Variants in FGF12 observed in about 807,000 individuals in gnomAD.
The protein encoded by FGF12 is fibroblast growth factor 12B.
FGF12 carries 14 observed loss-of-function variants against 23.6 expected under a neutral mutation model. The ratio of observed to expected loss-of-function variants is 0.59; its 90% CI spans 0.39 to 0.93. The LOEUF is 0.93. Ranked by LOEUF, FGF12 falls within the 40% of genes least tolerant of loss-of-function variation. The pLI is 0.00. For synonymous variants in FGF12, 62 were observed against 77.3 expected (o/e 0.80, Z 1.04); for missense variants, 175 against 217.8 (o/e 0.80, Z 1.24).
At chr3:192,658,247 C>T (rs901391473) in intron 2 of FGF12, among the ~76,000 whole-genome samples, 16 of 152,118 alleles carry the variant, frequency 1.1e-4, no homozygotes, top group Non-Finnish European at 1.6e-4. Context: ...GGTGGTAAAC[C>T]GGACCCATGC....
intron 2 of FGF12, among the ~76,000 whole-genome samples, chr3:192,618,585 C>G (rs962958006): frequency 2.6e-5 from 4 of 152,028 alleles, no homozygotes; most frequent in African/African-American, 4.8e-5. Flanking sequence ...AGAATTAAAG[C>G]TAAAAATATT....
In FGF12 at chr3:192,259,736, AC is replaced by A. The variant is rs200264961; in HGVS notation, c.228+75624del. 3.0e-3 allele frequency among the ~76,000 whole-genome samples: 451 copies of A among 152,312 alleles called. 4 individuals are homozygous for A. The highest frequency in any genetic ancestry group is 0.017 in the Middle Eastern group (5 of 294). The stretch of plus-strand genomic sequence containing the variant: ...CTCTTTTTTTATAAGATACAAAAAG[AC>A]AATAAATATGTTCTTACCACAAAAT... On this transcript the variant is annotated intron_variant, in intron 4 of 5. Transcript: ENST00000445105.
intron 4 of FGF12, among the ~76,000 whole-genome samples, chr3:192,302,655 G>A (rs1454579999): frequency 6.6e-6 from 1 of 152,170 alleles, no homozygotes; most frequent in East Asian, 1.9e-4. Flanking sequence ...TGGCCATGCA[G>A]AAAACAGTGA....
At chr3:192,265,817 C>T (rs898330404) in intron 4 of FGF12, among the ~76,000 whole-genome samples, 1 of 152,012 alleles carries the variant, frequency 6.6e-6, no homozygotes, top group East Asian at 1.9e-4. Context: ...CAAAGGTTTG[C>T]CAACCTCTCT....
At chr3:192,682,743 G>A (rs1362975814) in intron 2 of FGF12, among the ~76,000 whole-genome samples, 3 of 152,200 alleles carry the variant, frequency 2.0e-5, no homozygotes, top group African/African-American at 7.2e-5. Flanking sequence ...GTCTCTGGAT[G>A]CGGGCTAGTC....
chr3:192,376,608 T>C (rs12632703), intron 2 of FGF12, among the ~76,000 whole-genome samples: 19,653 of 152,134 alleles, frequency 0.13, 1,506 homozygotes, highest in South Asian at 0.29. Context: ...GTGATCTGCC[T>C]GCCTTGGCCT....
At chr3:192,166,767 C>A (rs957526581) in intron 5 of FGF12, among the ~76,000 whole-genome samples, 4 of 152,008 alleles carry the variant, frequency 2.6e-5, no homozygotes, top group African/African-American at 9.7e-5. Flanking sequence ...AAGTTAGTTC[C>A]CTAAGACAAA....
At chr3:192,642,750 G>A (rs933381570) in intron 2 of FGF12, among the ~76,000 whole-genome samples, 3 of 152,116 alleles carry the variant, frequency 2.0e-5, no homozygotes, top group Non-Finnish European at 4.4e-5. Context: ...AATGTTAATC[G>A]GAGGTCAGCA....
intron 2 of FGF12, among the ~76,000 whole-genome samples, chr3:192,435,239 TC>T (rs1721980886): frequency 6.6e-6 from 1 of 152,224 alleles, no homozygotes; most frequent in Non-Finnish European, 1.5e-5. Context: ...TTATCTCAGA[TC>T]TTTTTCATTT....
intron 2 of FGF12, among the ~76,000 whole-genome samples, chr3:192,705,435 G>C (rs1718436049): frequency 6.6e-6 from 1 of 152,198 alleles, no homozygotes; most frequent in African/African-American, 2.4e-5. Context: ...AATTCTGTTT[G>C]AGAAGTCAAT....
intron 4 of FGF12, among the ~76,000 whole-genome samples, chr3:192,224,171 A>G (rs542161921): frequency 6.6e-6 from 1 of 152,294 alleles, no homozygotes; most frequent in Admixed American, 6.5e-5. Context: ...CAGCATTTCT[A>G]TATTTGCAAG....
At chr3:192,441,192 G>C (rs1722191301) in intron 2 of FGF12, among the ~76,000 whole-genome samples, 1 of 152,182 alleles carries the variant, frequency 6.6e-6, no homozygotes, top group African/African-American at 2.4e-5. Context: ...AAATATTGAA[G>C]ATTCAGTGAA....
At chr3:192,325,138 G>A (rs1716750490) in intron 4 of FGF12, among the ~76,000 whole-genome samples, 1 of 152,100 alleles carries the variant, frequency 6.6e-6, no homozygotes, top group South Asian at 2.1e-4. Context: ...ATGTTTGCAA[G>A]CGATAATTGC....
At chr3:192,190,100 T>C (rs1348494255) in intron 4 of FGF12, among the ~76,000 whole-genome samples, 1 of 152,206 alleles carries the variant, frequency 6.6e-6, no homozygotes, top group Non-Finnish European at 1.5e-5. Flanking sequence ...TTTAAAGTTA[T>C]AAGAAATATA....
intron 3 of FGF12, among the ~76,000 whole-genome samples, chr3:192,341,378 G>A (rs1034978426): frequency 6.6e-6 from 1 of 152,062 alleles, no homozygotes; most frequent in African/African-American, 2.4e-5. Context: ...CATATGGAAA[G>A]ACATTCAAAA....
At chr3:192,544,780 C>G (rs1372205714) in intron 2 of FGF12, among the ~76,000 whole-genome samples, 2 of 152,160 alleles carry the variant, frequency 1.3e-5, no homozygotes, top group Admixed American at 1.3e-4. Context: ...TTTTTAGACT[C>G]TCATTCCAGG....
intron 4 of FGF12, among the ~76,000 whole-genome samples, chr3:192,333,244 T>A (rs7644876): frequency 0.069 from 10,556 of 152,122 alleles, 1,140 homozygotes; most frequent in African/African-American, 0.23. Context: ...TTCATGGACC[T>A]TTGGGGATCA....
intron 2 of FGF12, among the ~76,000 whole-genome samples, chr3:192,510,141 C>A (rs543930865): frequency 6.6e-6 from 1 of 152,292 alleles, no homozygotes; most frequent in African/African-American, 2.4e-5. Flanking sequence ...CAGTGTGTCA[C>A]TTCTGCTCAC....
intron 2 of FGF12, among the ~76,000 whole-genome samples, chr3:192,641,174 C>T (rs1450651746): frequency 1.4e-5 from 1 of 70,908 alleles, no homozygotes; most frequent in African/African-American, 5.2e-5. Context: ...GGCGGGATCT[C>T]GGCTCACTGC....
Sources: allele counts gnomAD v4.1 joint callset (sites outside exome capture counted in the v4.1 genomes callset), GRCh38; gene constraint gnomAD v4.1.1; transcripts MANE v1.5; gene names NCBI Gene and HGNC (gene_info 2026-07-23, HGNC 2026-07-21).